STRC: variants seen among roughly 807,000 people sequenced by gnomAD.
STRC encodes the protein stereocilin.
A neutral mutation model predicts 103.5 loss-of-function variants in STRC; 43 were observed. That is an observed-to-expected ratio of 0.42 (90% CI 0.33 to 0.54). The LOEUF (loss-of-function observed/expected upper bound fraction) is 0.54, where lower values mean the gene tolerates loss of function less well. Among genes scored for constraint, STRC ranks in the 20% least tolerant of loss-of-function variants. The pLI is 0.14. For missense variants in STRC, 499 were observed against 1,088.5 expected (o/e 0.46, Z 7.62); for synonymous variants, 186 against 442.3 (o/e 0.42, Z 7.27).
At position 43,603,365 on chromosome 15, in the gene STRC, G is replaced by C. The variant is rs1274089631; in HGVS notation, c.4422C>G (p.Ala1474=). The part of the protein sequence containing the change: ...CADVRGTFPA[A]WSATQIAEME... ...TCTCTGCAATCTGGGTTGCAGACCA[G>C]GCTGCTGGGAATGTCCCTCGTACAT... Residue 1474 remains alanine, a synonymous_variant, in exon 23 of 29, where the codon GCC becomes GCG. Transcript: ENST00000450892. 1.2e-6 allele frequency: 2 copies of C among 1,613,684 alleles called. No homozygotes were observed. Among genetic ancestry groups the C allele is most frequent in the African/African-American group, 2.7e-5 (2 of 74,842 alleles).
intron 23 of STRC, among the ~76,000 whole-genome samples, chr15:43,602,036 A>G (rs1158151523): frequency 2.1e-5 from 3 of 144,858 alleles, no homozygotes; most frequent in Admixed American, 7.1e-5. Context: ...GATCGTTTGA[A>G]CCCAGGATGT....
rs145541486 is a variant in STRC, at chr15:43,605,392, A to G, written c.3802T>C (p.Leu1268=). ...GATTCATTGGATAGTCTGTCCATCA[A>G]CTGGATCCTATTACAGCAATTTGAC... The part of the protein sequence containing the change: ...SKLLLDLPIQ[L]MDRLSNESIM... Residue 1268 remains leucine (L), a synonymous_variant, in exon 19 of 29, where the codon TTG becomes CTG. Coordinates refer to ENST00000450892, the MANE Select transcript of STRC (RefSeq NM_153700.2). The G allele has an allele frequency of 9.4e-6, 15 of 1,601,948 alleles. No homozygotes were observed. Among genetic ancestry groups the G allele is most frequent in the Admixed American group, 5.1e-5 (3 of 58,664 alleles).
At chr15:43,608,509 TGAG>T (rs2085726860) in intron 16 of STRC, among the ~76,000 whole-genome samples, 1 of 140,856 alleles carries the variant, frequency 7.1e-6, no homozygotes, top group Non-Finnish European at 1.6e-5. Flanking sequence ...GTGGATCACC[TGAG>T]GTCAGGAGTT....
Position 43,604,393 on chromosome 15 carries a change from G to T in STRC, c.4186C>A (p.Leu1396Met). The T allele has an allele frequency of 6.3e-7, 1 of 1,585,138 alleles. No homozygotes were observed. Among genetic ancestry groups the T allele is most frequent in the Non-Finnish European group, 8.6e-7 (1 of 1,162,000 alleles). ...VEQAGRLVFTLSTEAISLIPR... is the reference protein window; with the variant it reads ...VEQAGRLVFTMSTEAISLIPR... ...ATCAAGGAAATTGCCTCAGTAGACAGAGTGAATACTAGGCGTCCAGCTTGC... is the reference window on the plus strand; with the variant it reads ...ATCAAGGAAATTGCCTCAGTAGACATAGTGAATACTAGGCGTCCAGCTTGC... Residue 1396 changes from leucine to methionine, a missense_variant, in exon 21 of 29, where the codon CTG becomes ATG. Leu to Met is a conservative substitution (Grantham distance 15). Coordinates refer to ENST00000450892, the MANE Select transcript of STRC (RefSeq NM_153700.2).
chr15:43,610,893 G>T (rs1291438668), intron 14 of STRC, 26 bp downstream of exon 14: 1 of 1,608,816 alleles, frequency 6.2e-7, no homozygotes, highest in African/African-American at 1.3e-5. Context: ...GGGGAGAGGA[G>T]CTCAGTTGGG....
intron 22 of STRC, 119 bp downstream of exon 22, chr15:43,603,877 T>C (rs975122008): frequency 1.3e-6 from 2 of 1,550,522 alleles, no homozygotes; most frequent in African/African-American, 2.7e-5. Context: ...ATCATCCCTC[T>C]AAACTCTTTG....
At chr15:43,607,126 G>T (rs1460044278) in intron 18 of STRC, among the ~76,000 whole-genome samples, 2 of 144,134 alleles carry the variant, frequency 1.4e-5, no homozygotes, top group African/African-American at 5.2e-5. Context: ...TTACAGTGCG[G>T]ATGGCAACGG....
intron 18 of STRC, among the ~76,000 whole-genome samples, chr15:43,606,999 CAAAA>C (rs1366473498): frequency 3.2e-5 from 2 of 62,278 alleles, no homozygotes; most frequent in Admixed American, 1.8e-4. Context: ...AACTCTGTCT[CAAAA>C]AAAAAAAAAA....
At position 43,601,000 on chromosome 15, in the gene STRC, G is replaced by A. The variant is rs1460788461; in HGVS notation, c.4716C>T (p.Val1572=). The A allele has an allele frequency of 8.8e-7, 1 of 1,133,416 alleles. No homozygotes were observed. The highest frequency in any genetic ancestry group is 1.7e-5 in the African/African-American group (1 of 58,582). 70.2% of individuals were successfully genotyped at this position (1,133,416 alleles called of 1,614,324 possible). ...GACCACTCTGCCGTAGGAAACTGGA[G>A]ACCACAATGCGGAGCTGGGGTGGGG... ...GWSTTQLRIV[V]SSFLRQSGRH... Residue 1572 remains valine, a synonymous_variant, in exon 25 of 29, where the codon GTC becomes GTT. Coordinates refer to ENST00000450892, the MANE Select transcript of STRC (RefSeq NM_153700.2).
intron 18 of STRC, among the ~76,000 whole-genome samples, chr15:43,606,389 C>T (rs2085710514): frequency 1.6e-5 from 2 of 123,920 alleles, no homozygotes; most frequent in African/African-American, 6.0e-5. Flanking sequence ...ATCACAGGGT[C>T]AGAAATTCGA....
intron 19 of STRC, 172 bp from the exon 20 acceptor site, chr15:43,605,018 G>A: frequency 1.7e-6 from 2 of 1,149,082 alleles, no homozygotes; most frequent in East Asian, 5.1e-5. Context: ...ATAGGAGCAG[G>A]CAGAAAGACT....
intron 22 of STRC, 91 bp from the exon 23 acceptor site, chr15:43,603,502 G>A (rs1595958601): frequency 1.5e-6 from 2 of 1,352,900 alleles, no homozygotes; most frequent in Non-Finnish European, 2.1e-6. Context: ...TCCAACCTTT[G>A]GAGGATAGAG....
At position 43,603,374 on chromosome 15, in the gene STRC, G is replaced by A. The variant is rs374849604; in HGVS notation, c.4413C>T (p.Phe1471=). ...TCTGGGTTGCAGACCAGGCTGCTGG[G>A]AATGTCCCTCGTACATCTGCACAAT... ...VPNCADVRGT[F]PAAWSATQIA... is the part of the protein sequence containing the mutation. Residue 1471 remains phenylalanine (F), a synonymous_variant, in exon 23 of 29, where the codon TTC becomes TTT. Coordinates refer to ENST00000450892, the MANE Select transcript of STRC (RefSeq NM_153700.2). The A allele has an allele frequency of 1.9e-5, 30 of 1,613,798 alleles. 1 individual carries two copies. The highest frequency in any genetic ancestry group is 6.7e-5 in the East Asian group (3 of 44,872).
intron 15 of STRC, 179 bp from the exon 16 acceptor site, chr15:43,609,513 A>G: frequency 1.6e-6 from 1 of 642,494 alleles, no homozygotes; most frequent in Admixed American, 2.8e-5. Context: ...GAAATGAAAG[A>G]AAAGGGAAGG....
Position 43,601,563 on chromosome 15 carries a change from A to G in STRC, c.4546-12T>C. ...GGGGGACCCCACAACTAGGAGAAAG[A>G]CAGGAACAATGTGAGTGGAAAAGCA... is the stretch of plus-strand genomic sequence containing the variant. On this transcript the variant is annotated splice_polypyrimidine_tract_variant and intron_variant, in intron 23 of 28. Coordinates refer to ENST00000450892, the MANE Select transcript of STRC (RefSeq NM_153700.2). 1 of 1,613,576 alleles carries G rather than the reference A, an allele frequency of 6.2e-7. No homozygotes were observed. The highest frequency in any genetic ancestry group is 1.3e-5 in the African/African-American group (1 of 74,978).
rs1381131080 is a variant in STRC, at chr15:43,601,021, T to TG, written c.4702-8dup. 2 of 624,642 alleles carry TG rather than the reference T, an allele frequency of 3.2e-6. No homozygotes were observed. The allele number at this position is 624,642 out of a possible 1,614,324, so 38.7% of individuals were successfully genotyped here. A position where few individuals can be genotyped will look rare whatever the true frequency, so the allele number is the denominator to read the frequency against. On this transcript the variant is annotated splice_polypyrimidine_tract_variant and splice_region_variant and intron_variant, in intron 24 of 28. Coordinates refer to ENST00000450892, the MANE Select transcript of STRC (RefSeq NM_153700.2). ...TGGAGACCACAATGCGGAGCTGGGG[T>TG]GGGGGGTGGGAGAAGAGGGGAAGGA...
Position 43,603,343 on chromosome 15 carries a change from C to A in STRC, c.4444G>T (p.Glu1482Ter), listed in dbSNP as rs562222736. Residue 1482 changes from glutamate (E) to a stop codon, truncating the protein, a stop_gained, in exon 23 of 29, where the codon GAG (glutamate) becomes TAG (stop). Transcript: ENST00000450892. LOFTEE classifies it high-confidence loss of function. Reference protein sequence around the residue: ...PAAWSATQIAEMELSDFEDCL... With the variant: ...PAAWSATQIA The stretch of plus-strand genomic sequence containing the variant: ...TCCTCAAAGTCTGAGAGCTCCATCT[C>A]TGCAATCTGGGTTGCAGACCAGGCT... 1 of 1,613,860 alleles carries A rather than the reference C, an allele frequency of 6.2e-7. No individual in the cohort carries two copies. Among genetic ancestry groups the A allele is most frequent in the African/African-American group, 1.3e-5 (1 of 74,984 alleles).
Position 43,604,377 on chromosome 15 carries a change from A to G in STRC, c.4202T>C (p.Ile1401Thr), listed in dbSNP as rs779554420. The G allele has an allele frequency of 1.3e-5, 20 of 1,577,432 alleles. No homozygotes were observed. Among genetic ancestry groups the G allele is most frequent in the East Asian group, 2.3e-5 (1 of 43,924 alleles). Residue 1401 changes from isoleucine to threonine, a missense_variant, in exon 21 of 29, where the codon ATT becomes ACT. By Grantham distance (89) the Ile-to-Thr change is moderately conservative (BLOSUM62 -1). Transcript: ENST00000450892. The stretch of plus-strand genomic sequence containing the variant: ...TCATCTCACCCTGGGGATCAAGGAA[A>G]TTGCCTCAGTAGACAGAGTGAATAC... ...RLVFTLSTEA[I>T]SLIPREALGP...
Position 43,617,840 on chromosome 15 carries a change from AC to A in STRC, c.580del (p.Val194CysfsTer36). On this transcript the variant is annotated frameshift_variant, in exon 2 of 29. Coordinates refer to ENST00000450892, the MANE Select transcript of STRC (RefSeq NM_153700.2). LOFTEE classifies it high-confidence loss of function. ...EGTRWQALVQ[V>X]QPSVDPTNAT... ...ATTGGTGGGGTCCACACTGGGCTGCACCTGCACCAGAGCTTGCCAGCGTGTG... is the reference window on the plus strand; with the variant it reads ...ATTGGTGGGGTCCACACTGGGCTGCACTGCACCAGAGCTTGCCAGCGTGTG... 6.2e-7 allele frequency: 1 copy of A among 1,608,950 alleles called. No homozygotes were observed. Among genetic ancestry groups the A allele is most frequent in the Non-Finnish European group, 8.5e-7 (1 of 1,177,140 alleles).
Sources: allele counts gnomAD v4.1 joint callset (sites outside exome capture counted in the v4.1 genomes callset), GRCh38; gene constraint gnomAD v4.1.1; transcripts MANE v1.5; gene names NCBI Gene and HGNC (gene_info 2026-07-23, HGNC 2026-07-21).